Variants in LRP1B observed in about 807,000 individuals in gnomAD.
LRP1B encodes the protein low-density lipoprotein receptor-related protein 1B.
In LRP1B, 217 loss-of-function variants were observed where a neutral mutation model predicts 556.6. That is an observed-to-expected ratio of 0.39 (90% CI 0.35 to 0.44). LRP1B has a LOEUF of 0.44. LRP1B is among the 20% of genes least tolerant of loss of function. The pLI is 1.00. For missense variants in LRP1B, 5,053 were observed against 5,620.8 expected (o/e 0.90, Z 3.23); for synonymous variants, 2,047 against 1,865.8 (o/e 1.10, Z -2.50).
intron 83 of LRP1B, among the ~76,000 whole-genome samples, chr2:140,302,356 G>A (rs1051919428): frequency 3.9e-5 from 6 of 151,992 alleles, no homozygotes; most frequent in African/African-American, 9.7e-5. Context: ...TAAGTTCATC[G>A]ACTCTTCCCA....
chr2:141,112,425 A>T (rs1700778858), intron 7 of LRP1B, among the ~76,000 whole-genome samples: 1 of 152,140 alleles, frequency 6.6e-6, no homozygotes, highest in Non-Finnish European at 1.5e-5. Flanking sequence ...ATGGCCCCCA[A>T]GTGTAGTGCT....
At position 141,822,126 on chromosome 2, in the gene LRP1B, C is replaced by CAGAGAG. The variant is rs1308046198; in HGVS notation, c.83-11726_83-11725insCTCTCT. 6.3e-4 allele frequency among the ~76,000 whole-genome samples: 72 copies of CAGAGAG among 114,410 alleles called. 2 individuals carry two copies. Among genetic ancestry groups the CAGAGAG allele is most frequent in the Admixed American group, 2.0e-3 (21 of 10,742 alleles). The allele number at this position is 114,410 out of a possible 152,430, so 75.1% of individuals were successfully genotyped here. ...ACACACACACACACACACACACACACACACAGAGAGAGAGAGAGAGAGAGA... is the reference window on the plus strand; with the variant it reads ...ACACACACACACACACACACACACACAGAGAGACACAGAGAGAGAGAGAGAGAGAGA... On this transcript the variant is annotated intron_variant, in intron 1 of 90. Coordinates refer to ENST00000389484, the MANE Select transcript of LRP1B (RefSeq NM_018557.3).
At position 141,264,615 on chromosome 2, in the gene LRP1B, C is replaced by T. The variant is rs574905608; in HGVS notation, c.344-9974G>A. 2.6e-5 allele frequency among the ~76,000 whole-genome samples: 4 copies of T among 152,044 alleles called. No individual in the cohort carries two copies. The South Asian group carries it at 8.3e-4, about 32-fold the overall frequency. On this transcript the variant is annotated intron_variant, in intron 3 of 90. Coordinates refer to ENST00000389484, the MANE Select transcript of LRP1B (RefSeq NM_018557.3). ...GACCACAAGTGCCCGCCATCACACC[C>T]GGATAAATTTTGTATTTTTAGTAGA...
intron 27 of LRP1B, among the ~76,000 whole-genome samples, chr2:140,852,113 G>A (rs1692478079): frequency 6.6e-6 from 1 of 152,164 alleles, no homozygotes; most frequent in African/African-American, 2.4e-5. Flanking sequence ...AGATCACGAG[G>A]TCAGGAGATT....
chr2:141,377,689 G>T (rs1381347204), intron 3 of LRP1B, among the ~76,000 whole-genome samples: 1 of 151,732 alleles, frequency 6.6e-6, no homozygotes, highest in East Asian at 1.9e-4. Context: ...TTTATGTGAG[G>T]CCTAATAATA....
intron 2 of LRP1B, among the ~76,000 whole-genome samples, chr2:141,779,762 G>A (rs1214103681): frequency 2.0e-5 from 3 of 151,868 alleles, no homozygotes; most frequent in African/African-American, 7.3e-5. Flanking sequence ...CCTCAGGGAG[G>A]TTAAAAAACT....
chr2:140,418,875 G>A (rs1685311417), intron 66 of LRP1B, among the ~76,000 whole-genome samples: 1 of 152,050 alleles, frequency 6.6e-6, no homozygotes, highest in Non-Finnish European at 1.5e-5. Context: ...CCATGAAACT[G>A]GTCTCCGGTG....
Position 140,536,569 on chromosome 2 carries a change from T to A in LRP1B, c.7642+12A>T, listed in dbSNP as rs374071424. 1 of 1,602,894 alleles carries A rather than the reference T, an allele frequency of 6.2e-7. No homozygotes were observed. Among genetic ancestry groups the A allele is most frequent in the Admixed American group, 1.7e-5 (1 of 57,306 alleles). On this transcript the variant is annotated intron_variant, in intron 46 of 90. Coordinates refer to ENST00000389484, the MANE Select transcript of LRP1B (RefSeq NM_018557.3). ...TTTATCTGAAACGAGCAAACCCATA[T>A]TGGACACTTACCACAGTAGAGCAGT...
chr2:140,567,328 C>T (rs533148406), intron 43 of LRP1B, among the ~76,000 whole-genome samples: 3 of 152,306 alleles, frequency 2.0e-5, no homozygotes, highest in African/African-American at 7.2e-5. Context: ...ATCCCAGGGT[C>T]TAGAGTCACC....
chr2:141,382,370 T>A (rs1037015936), intron 3 of LRP1B, among the ~76,000 whole-genome samples: 2 of 152,216 alleles, frequency 1.3e-5, no homozygotes, highest in African/African-American at 4.8e-5. Flanking sequence ...GGACTCAGTC[T>A]CAGGTTCAGC....
rs1423527639 is a variant in LRP1B, at chr2:141,188,484, C to A, written c.950G>T (p.Cys317Phe). Residue 317 changes from cysteine (C) to phenylalanine (F), a missense_variant, in exon 7 of 91, where the codon TGT (cysteine) becomes TTT (phenylalanine). By Grantham distance (205) the Cys-to-Phe change is radical. Coordinates refer to ENST00000389484, the MANE Select transcript of LRP1B (RefSeq NM_018557.3). ...IFVCNSNGSVCVTLIDLELHN... is the reference protein window; with the variant it reads ...IFVCNSNGSVFVTLIDLELHN... ...AAGCTCCAGATCAATCAGGGTGACA[C>A]ATACAGAACCGTTGGAATTACAAAC... is the stretch of plus-strand genomic sequence containing the variant. 1 of 1,612,760 alleles carries A rather than the reference C, an allele frequency of 6.2e-7. No homozygotes were observed. The highest frequency in any genetic ancestry group is 1.1e-5 in the South Asian group (1 of 91,046).
intron 3 of LRP1B, among the ~76,000 whole-genome samples, chr2:141,469,314 G>A (rs1056818441): frequency 9.9e-5 from 15 of 152,136 alleles, no homozygotes; most frequent in Non-Finnish European, 1.3e-4. Flanking sequence ...CAGTCTCATA[G>A]CTGTTTCATT....
intron 2 of LRP1B, among the ~76,000 whole-genome samples, chr2:141,534,807 T>C (rs1685012643): frequency 6.6e-6 from 1 of 152,166 alleles, no homozygotes; most frequent in African/African-American, 2.4e-5. Flanking sequence ...ATTTTCCTTT[T>C]GGTCCTAAAC....
chr2:141,358,136 G>T (rs2105556946), intron 3 of LRP1B, among the ~76,000 whole-genome samples: 1 of 152,240 alleles, frequency 6.6e-6, no homozygotes, highest in Non-Finnish European at 1.5e-5. Flanking sequence ...TTAGAGAAAT[G>T]GCAAATAAAT....
At chr2:141,150,914 T>TGTGTGTGTG (rs1558894867) in intron 7 of LRP1B, among the ~76,000 whole-genome samples, 66 of 150,974 alleles carry the variant, frequency 4.4e-4, no homozygotes, top group Middle Eastern at 6.8e-3. Context: ...TGTGTGTGTG[T>TGTGTGTGTG]TTGCCATGCT....
intron 20 of LRP1B, among the ~76,000 whole-genome samples, chr2:140,946,817 T>C (rs1483056133): frequency 1.3e-5 from 2 of 152,180 alleles, no homozygotes; most frequent in East Asian, 1.9e-4. Flanking sequence ...ATGTGATACA[T>C]GTATACCATG....
chr2:140,970,949 C>T (rs2105329217), intron 18 of LRP1B, among the ~76,000 whole-genome samples: 1 of 151,942 alleles, frequency 6.6e-6, no homozygotes, highest in East Asian at 1.9e-4. Context: ...CCTCGTTGCC[C>T]AGGCTGGCCT....
At chr2:140,237,695 G>T (rs887025866) in intron 89 of LRP1B, among the ~76,000 whole-genome samples, 1 of 150,452 alleles carries the variant, frequency 6.6e-6, no homozygotes, top group African/African-American at 2.4e-5. Flanking sequence ...GCATGTATTG[G>T]TCTTCTCCTT....
chr2:140,859,510 T>C (rs1215785679), intron 27 of LRP1B, among the ~76,000 whole-genome samples: 1 of 152,188 alleles, frequency 6.6e-6, no homozygotes, highest in Admixed American at 6.5e-5. Flanking sequence ...GGCACTTAAA[T>C]CATTTCGATG....
Sources: gnomAD v4.1 joint callset for allele counts (sites outside exome capture counted in the v4.1 genomes callset) on GRCh38, gnomAD v4.1.1 for gene constraint, MANE v1.5 for transcripts, NCBI Gene and HGNC (gene_info 2026-07-23, HGNC 2026-07-21) for gene names.